OCM: variants seen among roughly 807,000 people sequenced by gnomAD.
The protein encoded by OCM is oncomodulin.
In OCM, 18 loss-of-function variants were observed where a neutral mutation model predicts 14.1. The observed-to-expected ratio is 1.28, with a 90% CI of 0.88 to 1.89. The LOEUF is 1.89. OCM is among the 40% of genes most tolerant of loss of function. The probability of loss-of-function intolerance (pLI) is 0.00; values close to 1 mark genes in which losing one functional copy is unlikely to be tolerated. For missense variants in OCM, 140 were observed against 137.6 expected (o/e 1.02, Z -0.09); for synonymous variants, 48 against 51.0 (o/e 0.94, Z 0.25).
At chr7:5,876,928 C>T (rs563100543), upstream of OCM, among the ~76,000 whole-genome samples, 3 of 152,128 alleles carry the variant, frequency 2.0e-5, no homozygotes, top group South Asian at 4.1e-4. Context: ...GCCTCAGCCT[C>T]TCAAGTAGCC....
At chr7:5,883,513 G>C (rs762830921) in intron 2 of OCM, among the ~76,000 whole-genome samples, 7 of 151,838 alleles carry the variant, frequency 4.6e-5, no homozygotes, top group Non-Finnish European at 1.0e-4. Context: ...ACAAAACCTT[G>C]TCTCTACAAA....
At chr7:5,862,787 A>G in the OCM span, among the ~76,000 whole-genome samples, 1 of 152,034 alleles carries the variant, frequency 6.6e-6, no homozygotes, top group East Asian at 1.9e-4. Context: ...AGATCTACTG[A>G]GCTCAAGATG....
At chr7:5,867,791 T>G in the OCM span, among the ~76,000 whole-genome samples, 1 of 152,060 alleles carries the variant, frequency 6.6e-6, no homozygotes, top group Non-Finnish European at 1.5e-5. Context: ...AGATGGGGTC[T>G]TGCTATGTTG....
At chr7:5,882,405 T>G in intron 1 of OCM, 88 bp from the exon 2 acceptor site, 3 of 1,477,856 alleles carry the variant, frequency 2.0e-6, no homozygotes, top group Non-Finnish European at 2.8e-6. Flanking sequence ...TGTTGAAGTG[T>G]TTTTAATTAT....
chr7:5,885,837 A>C (rs1439358590), intron 3 of OCM, among the ~76,000 whole-genome samples: 1 of 151,986 alleles, frequency 6.6e-6, no homozygotes, highest in Non-Finnish European at 1.5e-5. Flanking sequence ...TTTCGATCTC[A>C]TGATGTCATG....
the OCM span, among the ~76,000 whole-genome samples, chr7:5,868,836 G>C: frequency 6.6e-6 from 1 of 152,164 alleles, no homozygotes; most frequent in African/African-American, 2.4e-5. Flanking sequence ...GCCAAGTCAG[G>C]TGGATCACCT....
the OCM span, among the ~76,000 whole-genome samples, chr7:5,871,075 A>C: frequency 6.6e-6 from 1 of 152,046 alleles, no homozygotes. Flanking sequence ...AGCCAGGCGC[A>C]GTGGCTCACA....
the OCM span, among the ~76,000 whole-genome samples, chr7:5,874,807 A>G: frequency 6.6e-6 from 1 of 151,914 alleles, no homozygotes; most frequent in Non-Finnish European, 1.5e-5. Context: ...CACCCAACCC[A>G]TCTTAACCCT....
upstream of OCM, among the ~76,000 whole-genome samples, chr7:5,879,522 G>T (rs1016819934): frequency 2.0e-5 from 3 of 152,048 alleles, no homozygotes; most frequent in African/African-American, 7.2e-5. Context: ...GCCTCCAACG[G>T]TACCTGCTAA....
chr7:5,862,493 T>G, the OCM span, among the ~76,000 whole-genome samples: 1 of 152,186 alleles, frequency 6.6e-6, no homozygotes, highest in Non-Finnish European at 1.5e-5. Context: ...CAATGTCGAT[T>G]ACCAGCTTAT....
the OCM span, among the ~76,000 whole-genome samples, chr7:5,866,496 AGGAG>A: frequency 1.3e-5 from 2 of 150,378 alleles, no homozygotes; most frequent in South Asian, 2.1e-4. Context: ...AAGTTAGGAA[AGGAG>A]GGAGGGAGGG....
the OCM span, among the ~76,000 whole-genome samples, chr7:5,873,313 G>T: frequency 6.6e-6 from 1 of 152,030 alleles, no homozygotes; most frequent in South Asian, 2.1e-4. Context: ...GGAGGTAGAG[G>T]TCGCAGTGAG....
At chr7:5,865,100 A>G in the OCM span, among the ~76,000 whole-genome samples, 1 of 152,166 alleles carries the variant, frequency 6.6e-6, no homozygotes, top group East Asian at 1.9e-4. Flanking sequence ...ATTTGTTGTC[A>G]TCATGACCCA....
At chr7:5,860,314 T>TACGGGG in the OCM span, among the ~76,000 whole-genome samples, 1 of 140,840 alleles carries the variant, frequency 7.1e-6, no homozygotes, top group Non-Finnish European at 1.6e-5. Context: ...ATTTCACACA[T>TACGGGG]GCCTAAGCAG....
chr7:5,867,455 C>T, the OCM span, among the ~76,000 whole-genome samples: 27 of 152,116 alleles, frequency 1.8e-4, no homozygotes, highest in African/African-American at 5.6e-4. Context: ...GCCCTTTATA[C>T]GTGTTGGCTC....
chr7:5,872,763 G>A, the OCM span, among the ~76,000 whole-genome samples: 1 of 152,214 alleles, frequency 6.6e-6, no homozygotes, highest in Non-Finnish European at 1.5e-5. Flanking sequence ...CCTCTGCCTA[G>A]GAAAACCAGA....
the OCM span, among the ~76,000 whole-genome samples, chr7:5,869,154 G>C: frequency 2.0e-5 from 3 of 152,180 alleles, no homozygotes; most frequent in African/African-American, 7.2e-5. Flanking sequence ...TCTGAATACA[G>C]TACTGACAGA....
chr7:5,884,745 C>A (rs1781299060), intron 3 of OCM, among the ~76,000 whole-genome samples: 1 of 150,742 alleles, frequency 6.6e-6, no homozygotes. Flanking sequence ...AAAATTATAC[C>A]ACTATCGCTT....
the OCM span, among the ~76,000 whole-genome samples, chr7:5,863,883 G>A: frequency 6.6e-6 from 1 of 152,068 alleles, no homozygotes; most frequent in Non-Finnish European, 1.5e-5. Context: ...TGGATGCAGA[G>A]GCTGGGAGAG....
Sources: gnomAD v4.1 joint callset for allele counts (sites outside exome capture counted in the v4.1 genomes callset) on GRCh38, gnomAD v4.1.1 for gene constraint, MANE v1.5 for transcripts, NCBI Gene and HGNC (gene_info 2026-07-23, HGNC 2026-07-21) for gene names.